KCNMB3: variants seen among roughly 807,000 people sequenced by gnomAD.
KCNMB3 encodes calcium-activated potassium channel subunit beta-3.
KCNMB3 carries 18 observed loss-of-function variants against 11.9 expected under a neutral mutation model. The ratio of observed to expected loss-of-function variants is 1.51; its 90% CI spans 1.04 to 2.23. The LOEUF is 2.23. Among genes scored for constraint, KCNMB3 ranks in the 30% most tolerant of loss-of-function variants. The probability of loss-of-function intolerance (pLI) is 0.00; values close to 1 mark genes in which losing one functional copy is unlikely to be tolerated. For missense variants in KCNMB3, 247 were observed against 329.4 expected (o/e 0.75, Z 1.94); for synonymous variants, 78 against 119.2 (o/e 0.65, Z 2.25).
chr3:179,246,411 C>CA (rs765985867), intron 1 of KCNMB3, among the ~76,000 whole-genome samples: 66 of 141,318 alleles, frequency 4.7e-4, no homozygotes, highest in Middle Eastern at 3.6e-3. Flanking sequence ...GACTCTGTCC[C>CA]AAAAAAAAAA....
downstream of KCNMB3, chr3:179,241,292 A>C (rs1725449335): frequency 6.5e-6 from 1 of 153,088 alleles, no homozygotes; most frequent in Non-Finnish European, 1.5e-5. Flanking sequence ...GAGAAAAGAA[A>C]GGTTTACACA....
chr3:179,252,809 G>A (rs935601054), upstream of KCNMB3, among the ~76,000 whole-genome samples: 52 of 147,088 alleles, frequency 3.5e-4, no homozygotes, highest in Admixed American at 8.3e-4. Flanking sequence ...TCGGCTCACT[G>A]CAACCTCCGT....
chr3:179,254,971 C>T (rs1268800807), upstream of KCNMB3, among the ~76,000 whole-genome samples: 1 of 151,974 alleles, frequency 6.6e-6, no homozygotes, highest in Non-Finnish European at 1.5e-5. Flanking sequence ...TTGAGACGAG[C>T]CCGGCCAACA....
chr3:179,266,899 T>C lies in KCNMB3; in HGVS notation c.-189A>G. 2.1e-6 allele frequency: 3 copies of C among 1,422,844 alleles called. No individual in the cohort carries two copies. In the South Asian group the frequency reaches 4.7e-5, roughly 22 times the overall value. The allele number at this position is 1,422,844 out of a possible 1,614,324, so 88.1% of individuals were successfully genotyped here. A position where few individuals can be genotyped will look rare whatever the true frequency, so the allele number is the denominator to read the frequency against. ...GAGAACTTCAGGCAGGCTAGCCACG[T>C]GGTTCTGCAGACTCCTGGCAAGGCG... On this transcript the variant is annotated 5_prime_UTR_variant, in exon 1 of 4. Transcript: ENST00000349697.
chr3:179,243,166 G>T lies in KCNMB3; in HGVS notation c.566C>A (p.Ala189Asp). The T allele has an allele frequency of 6.6e-7, 1 of 1,506,494 alleles. No individual in the cohort carries two copies. Among genetic ancestry groups the T allele is most frequent in the Non-Finnish European group, 9.1e-7 (1 of 1,097,368 alleles). The allele number at this position is 1,506,494 out of a possible 1,614,324, so 93.3% of individuals were successfully genotyped here. The part of the protein sequence containing the change: ...GTPFSCFYSP[A>D]SQSEDVILIK... ...AAGAATGACATCTTCAGATTGGCTG[G>T]CTGGACTGTAGAAGCATGAAAAGGG... Residue 189 changes from alanine (A) to aspartate (D), a missense_variant, in exon 3 of 3, where the codon GCC becomes GAC. Ala to Asp is a moderately radical substitution (Grantham distance 126, BLOSUM62 -2). Coordinates refer to ENST00000392685, the MANE Select transcript of KCNMB3 (RefSeq NM_171830.2).
At chr3:179,260,076 C>T (rs1560161077) in intron 1 of KCNMB3, 2 of 1,608,764 alleles carry the variant, frequency 1.2e-6, no homozygotes, top group East Asian at 2.2e-5. Flanking sequence ...CTCTACCATA[C>T]ATCTGTCATC....
chr3:179,266,451 G>A (rs1016552206), intron 1 of KCNMB3, among the ~76,000 whole-genome samples: 1 of 152,218 alleles, frequency 6.6e-6, no homozygotes, highest in African/African-American at 2.4e-5. Context: ...CTAGAGGATA[G>A]AGCCAACAGG....
intron 1 of KCNMB3, chr3:179,260,182 C>T (rs1726157327): frequency 6.2e-7 from 1 of 1,612,846 alleles, no homozygotes; most frequent in African/African-American, 1.3e-5. Flanking sequence ...CCCACATTCT[C>T]TGTGTGGCTC....
intron 1 of KCNMB3, among the ~76,000 whole-genome samples, chr3:179,247,960 C>T (rs1217311838): frequency 2.0e-5 from 3 of 152,048 alleles, no homozygotes; most frequent in African/African-American, 4.8e-5. Context: ...AAGGGCTGTC[C>T]AAAAATAAAG....
At chr3:179,266,857 C>T (rs549618816) in exon 1 of KCNMB3, 3 of 1,437,746 alleles carry the variant, frequency 2.1e-6, no homozygotes, top group South Asian at 1.5e-5. Context: ...AGAAGCCCCC[C>T]GCCTTCCTGG....
At chr3:179,254,606 C>T (rs940344715), upstream of KCNMB3, among the ~76,000 whole-genome samples, 11 of 151,992 alleles carry the variant, frequency 7.2e-5, no homozygotes, top group African/African-American at 2.4e-4. Context: ...GTCAGGAGAT[C>T]GAGACCATCC....
chr3:179,250,891 T>G lies in KCNMB3; in HGVS notation c.100A>C (p.Ser34Arg). The change falls in exon 1 of 3, where the codon AGT becomes CGT. Residue 34 changes from serine to arginine, a missense_variant. This residue lies in a region of KCNMB3 where 160 missense variants were observed against 157.5 expected (regional missense o/e 1.02). Coordinates refer to ENST00000392685, the MANE Select transcript of KCNMB3 (RefSeq NM_171830.2). ...TGCACATCTAGTGGGTCTCCATCAC[T>G]GTAGTCTGTCTCTCTCTTCTTCCCT... ...ASGKKRETDY[S>R]DGDPLDVHKR... The G allele has an allele frequency of 1.2e-6, 2 of 1,614,142 alleles. No homozygotes were observed. The highest frequency in any genetic ancestry group is 1.7e-6 in the Non-Finnish European group (2 of 1,180,022).
chr3:179,264,196 T>C (rs1393511838), intron 1 of KCNMB3, among the ~76,000 whole-genome samples: 1 of 152,228 alleles, frequency 6.6e-6, no homozygotes, highest in Non-Finnish European at 1.5e-5. Flanking sequence ...AATAAGCACT[T>C]TCCCATGTCA....
At chr3:179,245,516 G>A (rs201913513) in intron 1 of KCNMB3, among the ~76,000 whole-genome samples, 6 of 140,276 alleles carry the variant, frequency 4.3e-5, no homozygotes, top group Non-Finnish European at 4.5e-5. Flanking sequence ...AATTTTTTTG[G>A]GGGGGGGGAT....
chr3:179,262,494 C>G (rs373935748), intron 1 of KCNMB3, among the ~76,000 whole-genome samples: 2 of 152,302 alleles, frequency 1.3e-5, no homozygotes, highest in Admixed American at 6.5e-5. Flanking sequence ...ACCCAAAGAA[C>G]GAGCAGTACC....
chr3:179,247,978 CA>C (rs1309945183), intron 1 of KCNMB3, among the ~76,000 whole-genome samples: 1 of 152,038 alleles, frequency 6.6e-6, no homozygotes, highest in Non-Finnish European at 1.5e-5. Context: ...AAGCAATGTC[CA>C]AAAAGCACCC....
chr3:179,251,264 G>T, upstream of KCNMB3: 1 of 1,466,326 alleles, frequency 6.8e-7, no homozygotes. Context: ...ATCTTTCAGG[G>T]ATATTGCACG....
intron 1 of KCNMB3, among the ~76,000 whole-genome samples, chr3:179,258,584 C>T (rs1326710943): frequency 2.6e-5 from 4 of 152,062 alleles, no homozygotes; most frequent in Non-Finnish European, 4.4e-5. Context: ...CATATATGAA[C>T]AAGACATTAA....
At chr3:179,251,507 C>T, upstream of KCNMB3, 2 of 1,386,516 alleles carry the variant, frequency 1.4e-6, no homozygotes, top group Non-Finnish European at 1.9e-6. Context: ...TTCTCCTCCT[C>T]TCTGGCCACT....
Sources: gnomAD v4.1 joint callset for allele counts (sites outside exome capture counted in the v4.1 genomes callset) on GRCh38, gnomAD v4.1.1 for gene constraint, gnomAD v4.1.1 regional missense constraint, MANE v1.5 for transcripts, NCBI Gene and HGNC (gene_info 2026-07-23, HGNC 2026-07-21) for gene names.